CAMK1D: variants seen among roughly 807,000 people sequenced by gnomAD.
CAMK1D encodes the protein calcium/calmodulin-dependent protein kinase type 1D.
A neutral mutation model predicts 47.7 loss-of-function variants in CAMK1D; 9 were observed. The ratio of observed to expected loss-of-function variants is 0.19; its 90% CI spans 0.11 to 0.33. CAMK1D has a LOEUF of 0.33. Among genes scored for constraint, CAMK1D ranks in the 10% least tolerant of loss-of-function variants. The pLI is 1.00. For missense variants in CAMK1D, 291 were observed against 488.7 expected, an observed-to-expected ratio of 0.60 and a Z score of 3.81; for synonymous variants, 184 against 184.9, an observed-to-expected ratio of 0.99 and a Z score of 0.04.
intron 1 of CAMK1D, among the ~76,000 whole-genome samples, chr10:12,396,095 A>G (rs1274793711): frequency 6.6e-6 from 1 of 152,036 alleles, no homozygotes; most frequent in East Asian, 2.0e-4. Context: ...GCTGGCCTCC[A>G]ACTCCTGACC....
chr10:12,811,374 C>T lies in CAMK1D; in HGVS notation c.642-2821C>T, dbSNP rs150661374. 4.6e-5 allele frequency among the ~76,000 whole-genome samples: 7 copies of T among 152,258 alleles called. No individual in the cohort carries two copies. In the East Asian group the frequency reaches 1.4e-3, roughly 30 times the overall value. ...GTTAGATCACCTCCACACAAACCTG[C>T]TAATGACATAGCTTGGCCAGGGAGC... On this transcript the variant is annotated intron_variant, in intron 6 of 10. Transcript: ENST00000619168.
Position 12,828,697 on chromosome 10 carries a change from C to T in CAMK1D, c.1040-72C>T, listed in dbSNP as rs1833348191. On this transcript the variant is annotated intron_variant, in intron 10 of 10. Coordinates refer to ENST00000619168, the MANE Select transcript of CAMK1D (RefSeq NM_153498.4). ...CCCACCATAAACCCAGCCCCTCTGA[C>T]ACCTGGCAGTGGGAAGCAGGGTGAG... 4 of 1,202,566 alleles carry T rather than the reference C, an allele frequency of 3.3e-6. No homozygotes were observed. In the South Asian group the frequency reaches 4.8e-5, roughly 14 times the overall value. 74.5% of individuals were successfully genotyped at this position (1,202,566 alleles called of 1,614,324 possible).
intron 3 of CAMK1D, among the ~76,000 whole-genome samples, chr10:12,750,994 T>C (rs974483590): frequency 2.0e-5 from 3 of 152,066 alleles, no homozygotes; most frequent in Admixed American, 6.6e-5. Context: ...GAGGTTGCAG[T>C]GAGCTGAGAG....
Position 12,830,964 on chromosome 10 carries a change from C to CACACACACACACACACACACACACAA in CAMK1D, c.*2078_*2079insCACACACACACACACACACACACAAA, listed in dbSNP as rs529970088. On this transcript the variant is annotated 3_prime_UTR_variant, in exon 11 of 11. Transcript: ENST00000619168. ...ACACACACACACACACACACACACA[C>CACACACACACACACACACACACACAA]AATGTTATTAGGCACAGCAGCTCCA... is the stretch of plus-strand genomic sequence containing the variant. 11 of 89,728 alleles carry CACACACACACACACACACACACACAA rather than the reference C, an allele frequency of 1.2e-4. No individual in the cohort carries two copies. The highest frequency in any genetic ancestry group is 3.6e-4 in the African/African-American group (9 of 25,330). The allele number at this position is 89,728 out of a possible 1,614,324, so 5.6% of individuals were successfully genotyped here.
intron 1 of CAMK1D, among the ~76,000 whole-genome samples, chr10:12,394,429 C>G (rs1166012169): frequency 6.6e-6 from 1 of 152,178 alleles, no homozygotes; most frequent in Non-Finnish European, 1.5e-5. Flanking sequence ...AATTCCAACC[C>G]TCTCTCATCA....
At chr10:12,594,792 T>G (rs1838094888) in intron 2 of CAMK1D, among the ~76,000 whole-genome samples, 1 of 152,154 alleles carries the variant, frequency 6.6e-6, no homozygotes, top group Non-Finnish European at 1.5e-5. Context: ...GTTGAACGTG[T>G]GGTTCTCATC....
chr10:12,700,379 T>C (rs1207909493), intron 3 of CAMK1D, among the ~76,000 whole-genome samples: 7 of 152,090 alleles, frequency 4.6e-5, no homozygotes, highest in Non-Finnish European at 1.5e-5. Context: ...AGAAGCTCCT[T>C]ATAAAAACCA....
intron 2 of CAMK1D, among the ~76,000 whole-genome samples, chr10:12,570,026 C>T (rs1002053285): frequency 2.0e-5 from 3 of 151,934 alleles, no homozygotes; most frequent in Middle Eastern, 3.4e-3. Flanking sequence ...ATGGTGAAAC[C>T]GCATCTCAAC....
chr10:12,644,481 C>T (rs1442327785), intron 2 of CAMK1D, among the ~76,000 whole-genome samples: 2 of 152,216 alleles, frequency 1.3e-5, no homozygotes, highest in African/African-American at 4.8e-5. Context: ...TTGACCCATA[C>T]ACTAGAGACC....
chr10:12,393,006 A>AT (rs34513975), intron 1 of CAMK1D, among the ~76,000 whole-genome samples: 41,164 of 151,336 alleles, frequency 0.27, 5,884 homozygotes, highest in South Asian at 0.31. Flanking sequence ...ATCGACTGTC[A>AT]TGAATGGATC....
At chr10:12,707,974 G>A (rs1442361362) in intron 3 of CAMK1D, among the ~76,000 whole-genome samples, 1 of 152,186 alleles carries the variant, frequency 6.6e-6, no homozygotes, top group East Asian at 1.9e-4. Flanking sequence ...TGCCCGACCT[G>A]TAACCCTACG....
At chr10:12,598,096 G>A (rs1197837038) in intron 2 of CAMK1D, among the ~76,000 whole-genome samples, 1 of 152,228 alleles carries the variant, frequency 6.6e-6, no homozygotes, top group Non-Finnish European at 1.5e-5. Flanking sequence ...AGTCACATTT[G>A]TTTGGTAAAA....
intron 3 of CAMK1D, among the ~76,000 whole-genome samples, chr10:12,689,287 T>C (rs1832781187): frequency 6.6e-6 from 1 of 152,202 alleles, no homozygotes; most frequent in Admixed American, 6.5e-5. Context: ...ACGATATTAA[T>C]TGGTTAAGTA....
chr10:12,417,394 A>G (rs1301543133), intron 1 of CAMK1D, among the ~76,000 whole-genome samples: 4 of 152,226 alleles, frequency 2.6e-5, no homozygotes, highest in African/African-American at 9.6e-5. Context: ...TTTTGGGGAT[A>G]CTGCTGTGCC....
In CAMK1D at chr10:12,380,490, T is replaced by C. The variant is rs45615531; in HGVS notation, c.92+30580T>C. On this transcript the variant is annotated intron_variant, in intron 1 of 10. Transcript: ENST00000619168. ...TGATAACATAATTGCACTTCAGTTT[T>C]TCATGTGATTATTGCCCGGAAAAAA... Among the ~76,000 whole-genome samples the C allele has an allele frequency of 5.3e-3, 814 of 152,316 alleles. 3 individuals carry two copies. The highest frequency in any genetic ancestry group is 8.3e-3 in the Non-Finnish European group (567 of 68,022).
At chr10:12,439,535 G>A (rs963726071) in intron 1 of CAMK1D, among the ~76,000 whole-genome samples, 6 of 152,174 alleles carry the variant, frequency 3.9e-5, no homozygotes, top group Non-Finnish European at 8.8e-5. Flanking sequence ...CCTCCTCCCT[G>A]CTGTAGGTAG....
chr10:12,702,790 A>C (rs1204791697), intron 3 of CAMK1D, among the ~76,000 whole-genome samples: 2 of 152,204 alleles, frequency 1.3e-5, no homozygotes, highest in Non-Finnish European at 2.9e-5. Context: ...GATGCGTAGC[A>C]CTGGGGATGA....
At chr10:12,458,175 C>G (rs1231164723) in intron 1 of CAMK1D, among the ~76,000 whole-genome samples, 1 of 152,208 alleles carries the variant, frequency 6.6e-6, no homozygotes, top group Non-Finnish European at 1.5e-5. Flanking sequence ...CTCCCATGCA[C>G]TGTCTGCTGT....
At chr10:12,801,222 TATCCATCCATCCATCC>T (rs55994840) in intron 6 of CAMK1D, among the ~76,000 whole-genome samples, 18 of 149,356 alleles carry the variant, frequency 1.2e-4, no homozygotes, top group African/African-American at 3.2e-4. Flanking sequence ...ACATCTCTAG[TATCCATCCATCCATCC>T]ATCCATCCAT....
Sources: allele counts gnomAD v4.1 joint callset (sites outside exome capture counted in the v4.1 genomes callset), GRCh38; gene constraint gnomAD v4.1.1; transcripts MANE v1.5; gene names NCBI Gene and HGNC (gene_info 2026-07-23, HGNC 2026-07-21).